The following DNAH10 variants were observed in gnomAD, a reference collection of about 807,000 sequenced individuals.
The protein encoded by DNAH10 is axonemal beta dynein heavy chain 10.
DNAH10 carries 348 observed loss-of-function variants against 506.6 expected under a neutral mutation model. The observed-to-expected ratio is 0.69, with a 90% CI of 0.63 to 0.75. The LOEUF is 0.75. Among genes scored for constraint, DNAH10 ranks in the 30% least tolerant of loss-of-function variants. DNAH10 has a pLI of 0.00. For synonymous variants in DNAH10, 2,059 were observed against 2,198.6 expected, an observed-to-expected ratio of 0.94 and a Z score of 1.78; for missense variants, 5,179 against 5,787.1, an observed-to-expected ratio of 0.89 and a Z score of 3.41.
intron 24 of DNAH10, among the ~76,000 whole-genome samples, chr12:123,824,554 G>A (rs946594960): frequency 3.9e-5 from 6 of 152,142 alleles, no homozygotes; most frequent in Non-Finnish European, 8.8e-5. Flanking sequence ...CAGACCAGGA[G>A]GCTGAAAACA....
chr12:123,804,384 G>T (rs1958581511), intron 17 of DNAH10, among the ~76,000 whole-genome samples: 1 of 152,088 alleles, frequency 6.6e-6, no homozygotes, highest in Non-Finnish European at 1.5e-5. Flanking sequence ...AATTAGCTGG[G>T]CGTGGTGGTG....
At chr12:123,888,781 C>G (rs1337094395) in intron 52 of DNAH10, among the ~76,000 whole-genome samples, 2 of 152,128 alleles carry the variant, frequency 1.3e-5, no homozygotes, top group African/African-American at 4.8e-5. Context: ...TGAGGTGAGA[C>G]TCGAACCCAG....
At chr12:123,831,220 T>C (rs532295093) in intron 26 of DNAH10, among the ~76,000 whole-genome samples, 2 of 152,338 alleles carry the variant, frequency 1.3e-5, no homozygotes, top group South Asian at 4.1e-4. Context: ...ATTATTAACT[T>C]TTTAGTGTAT....
chr12:123,851,204 A>G lies in DNAH10; in HGVS notation c.6291+128A>G, dbSNP rs557376082. ...ACGGGACCTAGGATGTGTCAGCTCCATGTGGCTCTTCCAGATGGGACCTAG... is the reference window on the plus strand; with the variant it reads ...ACGGGACCTAGGATGTGTCAGCTCCGTGTGGCTCTTCCAGATGGGACCTAG... On this transcript the variant is annotated intron_variant, in intron 35 of 78. Coordinates refer to ENST00000673944, the MANE Select transcript of DNAH10 (RefSeq NM_001372106.1). 1,053 of 983,966 alleles carry G rather than the reference A, an allele frequency of 1.1e-3. 4 individuals carry two copies. Among genetic ancestry groups the G allele is most frequent in the Non-Finnish European group, 1.3e-3 (923 of 715,274 alleles). The allele number at this position is 983,966 out of a possible 1,614,324, so 61.0% of individuals were successfully genotyped here. A position where few individuals can be genotyped will look rare whatever the true frequency, so the allele number is the denominator to read the frequency against.
intron 59 of DNAH10, among the ~76,000 whole-genome samples, chr12:123,912,586 T>A (rs1027983800): frequency 1.5e-4 from 23 of 152,038 alleles, no homozygotes; most frequent in East Asian, 7.7e-4. Flanking sequence ...AGCTGTGACA[T>A]CCAGAAATGT....
rs1951133039 is a variant in DNAH10, at chr12:123,850,908, C to T, written c.6123C>T (p.Ser2041=). 2.5e-6 allele frequency: 4 copies of T among 1,612,702 alleles called. No homozygotes were observed. The highest frequency in any genetic ancestry group is 2.7e-5 in the African/African-American group (2 of 74,894). ...TTFQFEGQEI[S]LDSRMGIFIT... ...TCCAGTTTGAAGGGCAGGAGATTTC[C>T]CTGGACTCCCGCATGGGCATCTTCA... Residue 2041 remains serine (S), a synonymous_variant, in exon 35 of 79, where the codon TCC becomes TCT. Transcript: ENST00000673944. This position sits in a 1 kb window ranked among gnomAD's most constrained non-coding sequence, Gnocchi z 5.5.
rs1951107370 is a variant in DNAH10 at position 123,850,299 on chromosome 12, T to C, written c.6103-589T>C. 6.6e-6 allele frequency among the ~76,000 whole-genome samples: 1 copy of C among 151,534 alleles called. No individual in the cohort carries two copies. Among genetic ancestry groups the C allele is most frequent in the Non-Finnish European group, 1.5e-5 (1 of 67,960 alleles). ...CTAAAAAGGCTAAGAATATAGGGAT[T>C]TCCGTGGTTTGTTGGTACCTGGGGC... On this transcript the variant is annotated intron_variant, in intron 34 of 78. Transcript: ENST00000673944. This position sits in a 1 kb window ranked among gnomAD's most constrained non-coding sequence, Gnocchi z 5.5.
rs1448699827 is a variant in DNAH10, at chr12:123,845,868, A to C, written c.5629A>C (p.Ser1877Arg). 2 of 1,613,590 alleles carry C rather than the reference A, an allele frequency of 1.2e-6. No individual in the cohort carries two copies. The highest frequency in any genetic ancestry group is 1.7e-6 in the Non-Finnish European group (2 of 1,179,464). The change falls in exon 31 of 79, where the codon AGT becomes CGT. Residue 1877 changes from serine to arginine, a missense_variant and splice_region_variant. Ser to Arg is a moderately radical substitution (Grantham distance 110, BLOSUM62 -1). Transcript: ENST00000673944. The stretch of plus-strand genomic sequence containing the variant: ...CATAGTTGATTCTTTCATAAGAGGC[A>C]GGTGAGCATTTTCCGGGGTCACTGG... ...RDIVDSFIRG[S>R]ILEAREFDWE...
chr12:123,853,394 T>C lies in DNAH10; in HGVS notation c.6438+42T>C, dbSNP rs1482852096. ...GGAACATTCTCTGGTTTCAGCTGCT[T>C]CAGGCATTTACTACGTGCCATTGGG... On this transcript the variant is annotated intron_variant, in intron 36 of 78. Coordinates refer to ENST00000673944, the MANE Select transcript of DNAH10 (RefSeq NM_001372106.1). This position sits in a 1 kb window ranked among gnomAD's most constrained non-coding sequence, Gnocchi z 4.7. 1.3e-6 allele frequency: 2 copies of C among 1,591,958 alleles called. No homozygotes were observed. Among genetic ancestry groups the C allele is most frequent in the African/African-American group, 2.7e-5 (2 of 74,386 alleles).
chr12:123,845,544 T>G (rs909411644), intron 30 of DNAH10, 56 bp from the exon 31 acceptor site: 2 of 1,590,868 alleles, frequency 1.3e-6, no homozygotes, highest in African/African-American at 2.7e-5. Context: ...AGGGACTGTT[T>G]TGGGTACCAG....
At chr12:123,889,915 A>C (rs1397369338) in intron 52 of DNAH10, among the ~76,000 whole-genome samples, 1 of 152,026 alleles carries the variant, frequency 6.6e-6, no homozygotes, top group Non-Finnish European at 1.5e-5. Flanking sequence ...GCTGGCTCTC[A>C]TCCTTCCAGT....
At chr12:123,882,417 C>T (rs1952546968) in intron 51 of DNAH10, among the ~76,000 whole-genome samples, 1 of 152,282 alleles carries the variant, frequency 6.6e-6, no homozygotes, top group Admixed American at 6.5e-5. Context: ...CCATACAATC[C>T]ACACATTCAA....
rs1174395845 is a variant in DNAH10 at position 123,850,175 on chromosome 12, C to T, written c.6103-713C>T. On this transcript the variant is annotated intron_variant, in intron 34 of 78. Coordinates refer to ENST00000673944, the MANE Select transcript of DNAH10 (RefSeq NM_001372106.1). This position sits in a 1 kb window ranked among gnomAD's most constrained non-coding sequence, Gnocchi z 5.5. ...CTCGTTGGTGATGCAGACTGTGCCTCCTAACAACAAAAATTTTCTGTCCTC... is the reference window on the plus strand; with the variant it reads ...CTCGTTGGTGATGCAGACTGTGCCTTCTAACAACAAAAATTTTCTGTCCTC... Among the ~76,000 whole-genome samples, 2 of 90,456 alleles carry T rather than the reference C, an allele frequency of 2.2e-5. No individual in the cohort carries two copies. The highest frequency in any genetic ancestry group is 2.7e-4 in the South Asian group (1 of 3,676). The allele number at this position is 90,456 out of a possible 152,430, so 59.3% of individuals were successfully genotyped here.
chr12:123,880,491 C>A (rs1722208214), intron 50 of DNAH10, among the ~76,000 whole-genome samples: 1 of 152,038 alleles, frequency 6.6e-6, no homozygotes, highest in African/African-American at 2.4e-5. Context: ...GGGCACACAT[C>A]ACCGTGCCCA....
chr12:123,820,672 C>A lies in DNAH10; in HGVS notation c.4093C>A (p.Pro1365Thr). ...TAACGCTGAGAAACTTTTCGATCTT[C>A]CTATTACAATGTACCCAGAGCTGCT... is the stretch of plus-strand genomic sequence containing the variant. ...LANAEKLFDL[P>T]ITMYPELLKV... The change falls in exon 24 of 79, where the codon CCT becomes ACT. Residue 1365 changes from proline (P) to threonine (T), a missense_variant. By Grantham distance (38) the Pro-to-Thr change is conservative (BLOSUM62 -1). This residue lies in a region of DNAH10 where 4,844 missense variants were observed against 5,430.5 expected (regional missense o/e 0.89). Coordinates refer to ENST00000673944, the MANE Select transcript of DNAH10 (RefSeq NM_001372106.1). 6.2e-7 allele frequency: 1 copy of A among 1,613,968 alleles called. No individual in the cohort carries two copies. Among genetic ancestry groups the A allele is most frequent in the Non-Finnish European group, 8.5e-7 (1 of 1,179,902 alleles).
intron 54 of DNAH10, among the ~76,000 whole-genome samples, chr12:123,897,209 C>T (rs1039799025): frequency 1.3e-5 from 2 of 152,206 alleles, no homozygotes; most frequent in African/African-American, 2.4e-5. Context: ...ATACTATCCC[C>T]GGTATAGATA....
In DNAH10 at chr12:123,813,212, A is replaced by G. The variant is rs1475489879; in HGVS notation, c.3193A>G (p.Lys1065Glu). Residue 1065 changes from lysine to glutamate, a missense_variant, in exon 20 of 79, where the codon AAG becomes GAG. By Grantham distance (56) the Lys-to-Glu change is moderately conservative. This residue lies in a region of DNAH10 where 4,844 missense variants were observed against 5,430.5 expected (regional missense o/e 0.89). Coordinates refer to ENST00000673944, the MANE Select transcript of DNAH10 (RefSeq NM_001372106.1). ...CAGCTGCATAGAATGCCCACCTCAG[A>G]AGGGGGAGGAAGAGGAAGTTGTTAT... ...NGSCIECPPQKGEEEEVVIIN... is the reference protein window; with the variant it reads ...NGSCIECPPQEGEEEEVVIIN... 1 of 1,613,782 alleles carries G rather than the reference A, an allele frequency of 6.2e-7. No homozygotes were observed.
intron 18 of DNAH10, 116 bp downstream of exon 18, chr12:123,805,156 A>G: frequency 1.8e-6 from 2 of 1,113,988 alleles, no homozygotes; most frequent in South Asian, 3.1e-5. Context: ...GGATGGTCAG[A>G]GGCTTTCTGG....
At chr12:123,886,162 AT>A (rs1485551016) in intron 51 of DNAH10, among the ~76,000 whole-genome samples, 2 of 151,956 alleles carry the variant, frequency 1.3e-5, no homozygotes, top group Admixed American at 6.6e-5. Flanking sequence ...AAGTTTTATT[AT>A]TTTTTTTCTG....
Sources: gnomAD v4.1 joint callset for allele counts (sites outside exome capture counted in the v4.1 genomes callset) on GRCh38, gnomAD v4.1.1 for gene constraint, gnomAD v4.1.1 regional missense constraint, Gnocchi (gnomAD v3.1) non-coding constraint, MANE v1.5 for transcripts, NCBI Gene and HGNC (gene_info 2026-07-23, HGNC 2026-07-21) for gene names.